Variants in CRTC1 observed in about 807,000 individuals in gnomAD.
The protein encoded by CRTC1 is CREB-regulated transcription coactivator 1.
In CRTC1, 18 loss-of-function variants were observed where a neutral mutation model predicts 66.1. That is an observed-to-expected ratio of 0.27 (90% CI 0.19 to 0.40). The LOEUF is 0.40. Ranked by LOEUF, CRTC1 falls within the 10% of genes least tolerant of loss-of-function variation. The pLI is 1.00. For synonymous variants in CRTC1, 416 were observed against 398.8 expected, an observed-to-expected ratio of 1.04 and a Z score of -0.51; for missense variants, 669 against 887.9, an observed-to-expected ratio of 0.75 and a Z score of 3.13.
chr19:18,689,102 C>T (rs1252377479), intron 1 of CRTC1, among the ~76,000 whole-genome samples: 4 of 151,964 alleles, frequency 2.6e-5, no homozygotes, highest in African/African-American at 9.7e-5. Context: ...GGTGCCACCA[C>T]ACCCGGCTAA....
rs564016874 is a variant in CRTC1, at chr19:18,780,537, C to T, written c.*3155C>T. ...TGATTTCTTCAGGGGGCCAAGCTCC[C>T]GGGAGGACCCCTAGCCAGGAGGGCC... is the stretch of plus-strand genomic sequence containing the variant. On this transcript the variant is annotated 3_prime_UTR_variant, in exon 14 of 14. Transcript: ENST00000321949. The T allele has an allele frequency of 4.3e-5, 10 of 230,504 alleles. No individual in the cohort carries two copies. Among genetic ancestry groups the T allele is most frequent in the South Asian group, 1.8e-4 (1 of 5,484 alleles). 14.3% of individuals were successfully genotyped at this position (230,504 alleles called of 1,614,324 possible). A position where few individuals can be genotyped will look rare whatever the true frequency, so the allele number is the denominator to read the frequency against.
intron 1 of CRTC1, among the ~76,000 whole-genome samples, chr19:18,729,769 T>C (rs1303422576): frequency 6.6e-6 from 1 of 151,856 alleles, no homozygotes; most frequent in Non-Finnish European, 1.5e-5. Context: ...AATAATAAGT[T>C]GGTTCAGTTT....
Position 18,683,830 on chromosome 19 carries a change from T to TA in CRTC1, c.126+4dup, listed in dbSNP as rs1410049769. 29 of 1,260,482 alleles carry TA rather than the reference T, an allele frequency of 2.3e-5. No homozygotes were observed. Among genetic ancestry groups the TA allele is most frequent in the Non-Finnish European group, 3.0e-5 (29 of 974,304 alleles). The allele number at this position is 1,260,482 out of a possible 1,614,324, so 78.1% of individuals were successfully genotyped here. A position where few individuals can be genotyped will look rare whatever the true frequency, so the allele number is the denominator to read the frequency against. ...CTGAGCCTGACGCGGGCCGCGCGGG[T>TA]AAGGGGGCTGCCCGCGCCGACCCTT... On this transcript the variant is annotated splice_region_variant and intron_variant, in intron 1 of 13. Coordinates refer to ENST00000321949, the MANE Select transcript of CRTC1 (RefSeq NM_015321.3).
chr19:18,741,761 C>T lies in CRTC1; in HGVS notation c.127-1149C>T, dbSNP rs2054115696. Among the ~76,000 whole-genome samples the T allele has an allele frequency of 6.6e-6, 1 of 152,208 alleles. No individual in the cohort carries two copies. Among genetic ancestry groups the T allele is most frequent in the South Asian group, 2.1e-4 (1 of 4,832 alleles). Reference sequence around the variant, plus strand: ...CCACCCAATAACACACAAGGTTAATCTTACCATCGGCTCCACTTCAGCTCA... The same window carrying T: ...CCACCCAATAACACACAAGGTTAATTTTACCATCGGCTCCACTTCAGCTCA... On this transcript the variant is annotated intron_variant, in intron 1 of 13. Transcript: ENST00000321949. This position sits in a 1 kb window ranked among gnomAD's most constrained non-coding sequence, Gnocchi z 4.2.
chr19:18,726,669 T>C (rs2053759668), intron 1 of CRTC1, among the ~76,000 whole-genome samples: 1 of 152,226 alleles, frequency 6.6e-6, no homozygotes, highest in Non-Finnish European at 1.5e-5. Flanking sequence ...GGCCCACTCC[T>C]GTAATCCCTG....
chr19:18,716,367 T>C (rs1163978593), intron 1 of CRTC1, among the ~76,000 whole-genome samples: 2 of 152,056 alleles, frequency 1.3e-5, no homozygotes, highest in East Asian at 3.9e-4. Context: ...GTTCTCTGCC[T>C]CAGCCTCCCA....
intron 1 of CRTC1, among the ~76,000 whole-genome samples, chr19:18,725,934 G>A (rs1370531440): frequency 1.3e-5 from 2 of 152,196 alleles, no homozygotes; most frequent in African/African-American, 2.4e-5. Context: ...TCCCAGGGAC[G>A]GGGGCCACCC....
chr19:18,751,785 G>A (rs949769881), intron 5 of CRTC1, among the ~76,000 whole-genome samples: 13 of 152,066 alleles, frequency 8.5e-5, no homozygotes, highest in Non-Finnish European at 1.8e-4. Flanking sequence ...GCTTGGTGCC[G>A]GGGGCTCAAT....
intron 10 of CRTC1, among the ~76,000 whole-genome samples, chr19:18,769,149 G>A (rs892563133): frequency 1.3e-5 from 2 of 152,262 alleles, no homozygotes; most frequent in Non-Finnish European, 2.9e-5. Context: ...CCAGGGCGCA[G>A]GCCGGGGGCC....
chr19:18,705,763 A>C (rs1432840036), intron 1 of CRTC1, among the ~76,000 whole-genome samples: 1 of 151,716 alleles, frequency 6.6e-6, no homozygotes, highest in Non-Finnish European at 1.5e-5. Context: ...GATAATAGCC[A>C]TCCTAATGTC....
At chr19:18,726,206 A>G (rs1242542240) in intron 1 of CRTC1, among the ~76,000 whole-genome samples, 1 of 152,182 alleles carries the variant, frequency 6.6e-6, no homozygotes, top group Non-Finnish European at 1.5e-5. Context: ...TTGCTCAGGC[A>G]CTCGGCGGAC....
At chr19:18,731,371 C>G (rs1208531586) in intron 1 of CRTC1, among the ~76,000 whole-genome samples, 1 of 152,184 alleles carries the variant, frequency 6.6e-6, no homozygotes, top group Non-Finnish European at 1.5e-5. Context: ...GCACCCCGAT[C>G]TCTGCCTTTA....
chr19:18,765,331 G>T, intron 8 of CRTC1, 73 bp from the exon 9 acceptor site: 1 of 1,547,030 alleles, frequency 6.5e-7, no homozygotes, highest in African/African-American at 1.3e-5. Context: ...CAGTGTGACT[G>T]TGGGTGTGTA....
At chr19:18,757,085 C>T (rs1435356485) in intron 6 of CRTC1, among the ~76,000 whole-genome samples, 1 of 152,146 alleles carries the variant, frequency 6.6e-6, no homozygotes, top group Admixed American at 6.5e-5. Flanking sequence ...AGGCCAGCCC[C>T]ACCCTCTGCC....
intron 4 of CRTC1, 91 bp downstream of exon 4, chr19:18,747,205 G>A: frequency 9.9e-7 from 1 of 1,012,440 alleles, no homozygotes; most frequent in Non-Finnish European, 1.5e-6. Flanking sequence ...GCAGGACACA[G>A]TCGCTTAAAC....
chr19:18,729,451 G>A lies in CRTC1; in HGVS notation c.127-13459G>A, dbSNP rs868268719. On this transcript the variant is annotated intron_variant, in intron 1 of 13. Transcript: ENST00000321949. ...AAAAAAAAAAAAAGAAAAAAAAAAA[G>A]AAGTTGGTTCAGGCTGGGTGTGGTG... is the stretch of plus-strand genomic sequence containing the variant. Among the ~76,000 whole-genome samples, 60 of 148,938 alleles carry A rather than the reference G, an allele frequency of 4.0e-4. No individual in the cohort carries two copies. In the South Asian group the frequency reaches 4.3e-3, roughly 11 times the overall value.
chr19:18,703,853 C>T lies in CRTC1; in HGVS notation c.126+20025C>T, dbSNP rs535690687. On this transcript the variant is annotated intron_variant, in intron 1 of 13. Transcript: ENST00000321949. ...CCCCAAGTTATCTGCCTGCCTTGGC[C>T]TCCCAAAATGCTGGGATTGCAGGCG... Among the ~76,000 whole-genome samples, 17 of 152,346 alleles carry T rather than the reference C, an allele frequency of 1.1e-4. 1 individual carries two copies. Among genetic ancestry groups the T allele is most frequent in the African/African-American group, 4.1e-4 (17 of 41,582 alleles).
chr19:18,777,207 T>C lies in CRTC1; in HGVS notation c.1730T>C (p.Leu577Pro), dbSNP rs1449810680. The C allele has an allele frequency of 1.3e-6, 2 of 1,577,234 alleles. No individual in the cohort carries two copies. Among genetic ancestry groups the C allele is most frequent in the Non-Finnish European group, 1.7e-6 (2 of 1,165,642 alleles). The part of the protein sequence containing the change: ...GESPPSLSKE[L>P]TSSLAGVGDV... ...TCCCCCCCCAGCCTCTCTAAAGAAC[T>C]GACCAGCTCTCTGGCCGGGGTCGGC... Residue 577 changes from leucine to proline, a missense_variant, in exon 14 of 14, where the codon CTG (leucine) becomes CCG (proline). Physicochemically the swap from Leu to Pro is moderately conservative, Grantham distance 98. Coordinates refer to ENST00000321949, the MANE Select transcript of CRTC1 (RefSeq NM_015321.3). This position sits in a 1 kb window ranked among gnomAD's most constrained non-coding sequence, Gnocchi z 5.5.
At chr19:18,749,664 C>G in intron 4 of CRTC1, 117 bp from the exon 5 acceptor site, 1 of 819,370 alleles carries the variant, frequency 1.2e-6, no homozygotes, top group Non-Finnish European at 2.1e-6. Flanking sequence ...TGCAGCAGCT[C>G]ACAAAAATGA....
Sources: allele counts gnomAD v4.1 joint callset (sites outside exome capture counted in the v4.1 genomes callset), GRCh38; gene constraint gnomAD v4.1.1; non-coding constraint Gnocchi (gnomAD v3.1); transcripts MANE v1.5; gene names NCBI Gene and HGNC (gene_info 2026-07-23, HGNC 2026-07-21).